The following RASSF4 variants were observed in gnomAD, a reference collection of about 807,000 sequenced individuals.
RASSF4 encodes ras association domain-containing protein 4.
RASSF4 carries 38 observed loss-of-function variants against 41.1 expected under a neutral mutation model. The observed-to-expected ratio is 0.92, with a 90% CI of 0.71 to 1.21. RASSF4 has a LOEUF of 1.21. Ranked by LOEUF, RASSF4 falls within the 50% of genes most tolerant of loss-of-function variation. The probability of loss-of-function intolerance (pLI) is 0.00; values close to 1 mark genes in which losing one functional copy is unlikely to be tolerated. For missense variants in RASSF4, 414 were observed against 419.4 expected (o/e 0.99, Z 0.11); for synonymous variants, 179 against 163.4 (o/e 1.10, Z -0.73).
chr10:44,989,716 C>T lies in RASSF4; in HGVS notation c.680C>T (p.Ser227Phe). ...SEFALYIVHE[S>F]GERTKLKDCE... Reference sequence around the variant, plus strand: ...TTCGCACTCTACATCGTTCACGAGTCTGGGGGTAAGTACCTGCCCCACTTC... The same window carrying T: ...TTCGCACTCTACATCGTTCACGAGTTTGGGGGTAAGTACCTGCCCCACTTC... Residue 227 changes from serine to phenylalanine, a missense_variant, in exon 8 of 11, where the codon TCT (serine) becomes TTT (phenylalanine). Physicochemically the swap from Ser to Phe is radical, Grantham distance 155. Coordinates refer to ENST00000340258, the MANE Select transcript of RASSF4 (RefSeq NM_032023.4). 1 of 1,614,048 alleles carries T rather than the reference C, an allele frequency of 6.2e-7. No individual in the cohort carries two copies. The highest frequency in any genetic ancestry group is 1.6e-4 in the Middle Eastern group (1 of 6,062).
rs569404692 is a variant in RASSF4 at position 44,994,841 on chromosome 10, G to A, written c.*1512G>A. 2 of 151,246 alleles carry A rather than the reference G, an allele frequency of 1.3e-5. No individual in the cohort carries two copies. Among genetic ancestry groups the A allele is most frequent in the Admixed American group, 1.3e-4 (2 of 15,138 alleles). The allele number at this position is 151,246 out of a possible 1,614,324, so 9.4% of individuals were successfully genotyped here. A position where few individuals can be genotyped will look rare whatever the true frequency, so the allele number is the denominator to read the frequency against. On this transcript the variant is annotated 3_prime_UTR_variant, in exon 11 of 11. Transcript: ENST00000340258. ...ATGTTTGGCAGAAGAGCCACAACTC[G>A]CTGCTCTAGGAGCCGACATGACTCC...
At position 44,984,909 on chromosome 10, in the gene RASSF4, G is replaced by C; in HGVS notation, c.470G>C (p.Gly157Ala). ...AGGAGGCCCAAGTGCCGCGCCCCCG[G>C]TGAGGCCCAGCGCATCCGGCGACAC... ...SQRRPKCRAP[G>A]EAQRIRRHRF... The change falls in exon 6 of 11, where the codon GGT becomes GCT. Residue 157 changes from glycine (G) to alanine (A), a missense_variant. Coordinates refer to ENST00000340258, the MANE Select transcript of RASSF4 (RefSeq NM_032023.4). 1 of 1,613,548 alleles carries C rather than the reference G, an allele frequency of 6.2e-7. No homozygotes were observed. The highest frequency in any genetic ancestry group is 8.5e-7 in the Non-Finnish European group (1 of 1,180,032).
chr10:44,992,091 C>CTCCT (rs1416568368), intron 10 of RASSF4, 89 bp downstream of exon 10: 5 of 803,586 alleles, frequency 6.2e-6, no homozygotes, highest in Middle Eastern at 2.3e-4. Flanking sequence ...GGAGGTCTCT[C>CTCCT]TCCTCCATGG....
chr10:44,977,287 G>A, intron 3 of RASSF4: 2 of 1,427,056 alleles, frequency 1.4e-6, no homozygotes, highest in Non-Finnish European at 1.9e-6. Flanking sequence ...CTGCAGAAAA[G>A]CATTTCCCTT....
chr10:44,967,208 G>A (rs981823349), intron 1 of RASSF4, among the ~76,000 whole-genome samples: 2 of 152,166 alleles, frequency 1.3e-5, no homozygotes, highest in African/African-American at 4.8e-5. Context: ...CCATCGAGTA[G>A]CTGCACATGG....
chr10:44,994,556 G>A lies in RASSF4; in HGVS notation c.*1227G>A, dbSNP rs1588856422. 1 of 152,210 alleles carries A rather than the reference G, an allele frequency of 6.6e-6. No individual in the cohort carries two copies. The highest frequency in any genetic ancestry group is 2.4e-5 in the African/African-American group (1 of 41,432). 9.4% of individuals were successfully genotyped at this position (152,210 alleles called of 1,614,324 possible). A position where few individuals can be genotyped will look rare whatever the true frequency, so the allele number is the denominator to read the frequency against. On this transcript the variant is annotated 3_prime_UTR_variant, in exon 11 of 11. Transcript: ENST00000340258. ...AAGCCACCATGCTGTGCGGAACTGC[G>A]TCAGGGCAAATGTCACAGCAGGATT...
At chr10:44,971,689 G>A (rs1841175000) in intron 2 of RASSF4, 84 bp from the exon 3 acceptor site, 1 of 1,027,438 alleles carries the variant, frequency 9.7e-7, no homozygotes, top group Non-Finnish European at 1.6e-6. Flanking sequence ...TTACAAATGA[G>A]GAAACAGAGG....
intron 1 of RASSF4, among the ~76,000 whole-genome samples, chr10:44,960,615 A>G (rs1424282589): frequency 6.6e-6 from 1 of 152,182 alleles, no homozygotes; most frequent in African/African-American, 2.4e-5. Context: ...TTAACCTGGC[A>G]CGGCGGAGGG....
chr10:44,991,210 A>C, intron 9 of RASSF4, 141 bp downstream of exon 9: 1 of 704,770 alleles, frequency 1.4e-6, no homozygotes. Flanking sequence ...CTCCCAGCCT[A>C]GCACAGGGAG....
In RASSF4 at chr10:44,970,282, GGT is replaced by G. The variant is rs1452011815; in HGVS notation, c.62+19_62+20del. 3 of 1,610,064 alleles carry G rather than the reference GGT, an allele frequency of 1.9e-6. No homozygotes were observed. The African/African-American group carries it at 4.0e-5, about 22-fold the overall frequency. On this transcript the variant is annotated intron_variant, in intron 2 of 10. Transcript: ENST00000340258. ...ATTCAGAAGTAAGCCTTGGTGTGCA[GGT>G]TGGGCGGGGGAGTCTTCACATTTGC...
Position 44,982,639 on chromosome 10 carries a change from T to C in RASSF4, c.257T>C (p.Met86Thr), listed in dbSNP as rs772607852. The C allele has an allele frequency of 1.2e-6, 2 of 1,613,384 alleles. No homozygotes were observed. The highest frequency in any genetic ancestry group is 1.1e-5 in the South Asian group (1 of 91,032). Residue 86 changes from methionine (M) to threonine (T), a missense_variant, in exon 4 of 11, where the codon ATG becomes ACG. Transcript: ENST00000340258. Reference protein sequence around the residue: ...EQVHLPSTSWMPRRPSCPLKE... With the variant: ...EQVHLPSTSWTPRRPSCPLKE... Reference sequence around the variant, plus strand: ...GTGCACCTCCCCTCCACCTCATGGATGCCCAGACGGCCTAGCTGCCCTCTG... The same window carrying C: ...GTGCACCTCCCCTCCACCTCATGGACGCCCAGACGGCCTAGCTGCCCTCTG...
chr10:44,973,115 G>T (rs1454167945), intron 3 of RASSF4, among the ~76,000 whole-genome samples: 1 of 152,150 alleles, frequency 6.6e-6, no homozygotes, highest in Non-Finnish European at 1.5e-5. Context: ...CTGCCTCCTT[G>T]ACCTGCCCAG....
At chr10:44,969,715 C>T (rs903907691) in intron 1 of RASSF4, among the ~76,000 whole-genome samples, 8 of 152,186 alleles carry the variant, frequency 5.3e-5, no homozygotes, top group African/African-American at 1.9e-4. Flanking sequence ...AACACAGTGC[C>T]GACTAACCCA....
At chr10:44,991,229 C>A in intron 9 of RASSF4, 160 bp downstream of exon 9, 3 of 543,166 alleles carry the variant, frequency 5.5e-6, no homozygotes, top group Non-Finnish European at 8.9e-6. Context: ...AGGCGCCAGC[C>A]CTCCCTCTCC....
At chr10:44,963,331 G>A (rs1467719678) in intron 1 of RASSF4, among the ~76,000 whole-genome samples, 1 of 152,146 alleles carries the variant, frequency 6.6e-6, no homozygotes, top group Non-Finnish European at 1.5e-5. Context: ...CCAGACAGCC[G>A]GCTCTCACCA....
At position 44,993,253 on chromosome 10, in the gene RASSF4, C is replaced by T. The variant is rs764082369; in HGVS notation, c.906-16C>T. The T allele has an allele frequency of 5.0e-6, 8 of 1,608,960 alleles. No individual in the cohort carries two copies. Among genetic ancestry groups the T allele is most frequent in the African/African-American group, 2.7e-5 (2 of 74,900 alleles). ...GTCTGGCCTCAGTGAGTCCTCTTGG[C>T]GATGTCTCCCTCCAGGTTCCAAGCC... On this transcript the variant is annotated splice_polypyrimidine_tract_variant and intron_variant, in intron 10 of 10. Transcript: ENST00000340258.
At position 44,963,601 on chromosome 10, in the gene RASSF4, G is replaced by A. The variant is rs145314574; in HGVS notation, c.-39+3735G>A. On this transcript the variant is annotated intron_variant, in intron 1 of 10. Coordinates refer to ENST00000340258, the MANE Select transcript of RASSF4 (RefSeq NM_032023.4). Reference sequence around the variant, plus strand: ...ACCTGCTCTGTGGCCTGCACTTGCTGTCCTCCACCAGCGGGAGCAGCTCAG... The same window carrying A: ...ACCTGCTCTGTGGCCTGCACTTGCTATCCTCCACCAGCGGGAGCAGCTCAG... 5.0e-4 allele frequency among the ~76,000 whole-genome samples: 76 copies of A among 152,314 alleles called. 1 individual carries two copies. The East Asian group carries it at 0.014, about 29-fold the overall frequency.
intron 10 of RASSF4, 123 bp downstream of exon 10, chr10:44,992,125 G>A: frequency 1.6e-6 from 1 of 644,062 alleles, no homozygotes; most frequent in East Asian, 2.7e-5. Context: ...GGTACGGGAA[G>A]GCCTGCTAAC....
chr10:44,982,992 G>C, intron 4 of RASSF4: 1 of 598,926 alleles, frequency 1.7e-6, no homozygotes, highest in Non-Finnish European at 3.2e-6. Flanking sequence ...GCCATCTCTT[G>C]TTCTATCTTT....
Sources: allele counts gnomAD v4.1 joint callset (sites outside exome capture counted in the v4.1 genomes callset), GRCh38; gene constraint gnomAD v4.1.1; transcripts MANE v1.5; gene names NCBI Gene and HGNC (gene_info 2026-07-23, HGNC 2026-07-21).